NPTN: variants seen among roughly 807,000 people sequenced by gnomAD.
NPTN encodes the protein SDR-1.
Under a neutral mutation model 42.7 loss-of-function variants are expected in NPTN, and 5 were observed. The ratio of observed to expected loss-of-function variants is 0.12; its 90% CI spans 0.06 to 0.25. NPTN has a LOEUF of 0.25. Ranked by LOEUF, NPTN falls within the 10% of genes least tolerant of loss-of-function variation. The probability of loss-of-function intolerance (pLI) is 1.00; values close to 1 mark genes in which losing one functional copy is unlikely to be tolerated. For missense variants in NPTN, 307 were observed against 525.4 expected, an observed-to-expected ratio of 0.58 and a Z score of 4.06; for synonymous variants, 180 against 201.9, an observed-to-expected ratio of 0.89 and a Z score of 0.92.
Position 73,633,320 on chromosome 15 carries a change from C to T in NPTN, c.-105G>A, listed in dbSNP as rs1208823368. On this transcript the variant is annotated 5_prime_UTR_variant, in exon 1 of 9. Coordinates refer to ENST00000345330, the MANE Select transcript of NPTN (RefSeq NM_012428.4). ...GCGGGCGAGTGCGCGAGGGAGTGAG[C>T]GAGGGAGGCAGCCGCGGCTCGGCTC... 16 of 846,606 alleles carry T rather than the reference C, an allele frequency of 1.9e-5. No individual in the cohort carries two copies. The highest frequency in any genetic ancestry group is 2.4e-5 in the Non-Finnish European group (14 of 586,954). The allele number at this position is 846,606 out of a possible 1,614,324, so 52.4% of individuals were successfully genotyped here.
intron 6 of NPTN, chr15:73,563,649 T>C (rs1894817534): frequency 1.2e-6 from 1 of 818,434 alleles, no homozygotes; most frequent in Non-Finnish European, 1.5e-6. Context: ...TTTCTTGTGG[T>C]GAATGCATGC....
intron 1 of NPTN, among the ~76,000 whole-genome samples, chr15:73,602,743 G>C (rs1485983736): frequency 6.6e-6 from 1 of 152,208 alleles, no homozygotes; most frequent in Non-Finnish European, 1.5e-5. Context: ...ATTCTCTGCA[G>C]CAGGAAGAGG....
In NPTN at chr15:73,560,694, C is replaced by T. The variant is rs1246869477; in HGVS notation, c.*369G>A. The stretch of plus-strand genomic sequence containing the variant: ...TGCTGTACTTTACAAAAGTGTATCA[C>T]TAGATGGCAGCAGTGCATTTTAGAG... On this transcript the variant is annotated 3_prime_UTR_variant, in exon 9 of 9. Coordinates refer to ENST00000345330, the MANE Select transcript of NPTN (RefSeq NM_012428.4). The T allele has an allele frequency of 6.6e-6, 1 of 151,164 alleles. No individual in the cohort carries two copies. Among genetic ancestry groups the T allele is most frequent in the Non-Finnish European group, 1.5e-5 (1 of 67,886 alleles). 9.4% of individuals were successfully genotyped at this position (151,164 alleles called of 1,614,324 possible). A position where few individuals can be genotyped will look rare whatever the true frequency, so the allele number is the denominator to read the frequency against.
At chr15:73,580,511 TATATA>T (rs1353650196) in intron 4 of NPTN, among the ~76,000 whole-genome samples, 2 of 131,772 alleles carry the variant, frequency 1.5e-5, no homozygotes, top group Non-Finnish European at 1.5e-5. Flanking sequence ...ATATATATTA[TATATA>T]ATATAGTTAT....
chr15:73,561,662 A>G (rs1394012462), intron 8 of NPTN, among the ~76,000 whole-genome samples: 1 of 152,174 alleles, frequency 6.6e-6, no homozygotes, highest in Non-Finnish European at 1.5e-5. Flanking sequence ...CTTGGGCAAT[A>G]GAGTGAGACT....
intron 1 of NPTN, among the ~76,000 whole-genome samples, chr15:73,616,343 C>A (rs1241475340): frequency 6.6e-6 from 1 of 152,046 alleles, no homozygotes; most frequent in Non-Finnish European, 1.5e-5. Context: ...TATGGGACTC[C>A]CTCTACCCCT....
At chr15:73,566,675 A>T (rs62004587) in intron 6 of NPTN, among the ~76,000 whole-genome samples, 1 of 152,054 alleles carries the variant, frequency 6.6e-6, no homozygotes, top group Admixed American at 6.6e-5. Context: ...GCACCCAAGC[A>T]GGTGCCCAGC....
intron 6 of NPTN, among the ~76,000 whole-genome samples, chr15:73,565,618 C>G (rs1378215640): frequency 6.6e-6 from 1 of 152,110 alleles, no homozygotes; most frequent in African/African-American, 2.4e-5. Flanking sequence ...TATCAACATA[C>G]CCCAAACCCT....
intron 6 of NPTN, chr15:73,566,854 G>T (rs1320875573): frequency 5.5e-6 from 1 of 182,036 alleles, no homozygotes; most frequent in African/African-American, 2.4e-5. Flanking sequence ...AGGTAAAGGT[G>T]ATCTGTAGAT....
intron 1 of NPTN, among the ~76,000 whole-genome samples, chr15:73,619,529 C>T (rs1211773891): frequency 6.6e-6 from 1 of 152,168 alleles, no homozygotes; most frequent in Non-Finnish European, 1.5e-5. Flanking sequence ...TTACCTGCTG[C>T]AAGACGGCTT....
At chr15:73,587,353 G>A (rs1006582063) in intron 4 of NPTN, among the ~76,000 whole-genome samples, 171 bp downstream of exon 4, 1 of 152,154 alleles carries the variant, frequency 6.6e-6, no homozygotes, top group African/African-American at 2.4e-5. Context: ...TAGATGATGG[G>A]GTTTGAATTT....
Position 73,590,126 on chromosome 15 carries a change from T to C in NPTN, c.611+1840A>G, listed in dbSNP as rs182221455. On this transcript the variant is annotated intron_variant, in intron 3 of 8. Transcript: ENST00000345330. ...ATAGGCTGAAAATCTCCCCACACCA[T>C]TCCCTTGGACTAGCTATTAGGAAGA... is the stretch of plus-strand genomic sequence containing the variant. Among the ~76,000 whole-genome samples the C allele has an allele frequency of 3.0e-4, 45 of 152,068 alleles. 1 individual carries two copies. Among genetic ancestry groups the C allele is most frequent in the Middle Eastern group, 3.4e-3 (1 of 294 alleles).
chr15:73,629,847 A>G (rs1432451695), intron 1 of NPTN, among the ~76,000 whole-genome samples: 1 of 151,966 alleles, frequency 6.6e-6, no homozygotes, highest in African/African-American at 2.4e-5. Flanking sequence ...CAGAAAAAAA[A>G]GAAAAAAAAA....
intron 5 of NPTN, among the ~76,000 whole-genome samples, chr15:73,573,203 A>G (rs937768574): frequency 6.6e-6 from 1 of 152,178 alleles, no homozygotes; most frequent in African/African-American, 2.4e-5. Context: ...TCAATGCCTC[A>G]CCTTCAGTTA....
intron 2 of NPTN, among the ~76,000 whole-genome samples, chr15:73,595,206 G>A (rs911217475): frequency 1.3e-5 from 2 of 152,154 alleles, no homozygotes; most frequent in African/African-American, 4.8e-5. Flanking sequence ...TCAGGCTCTT[G>A]GAAGTATAAG....
intron 1 of NPTN, among the ~76,000 whole-genome samples, chr15:73,613,547 T>G (rs1225983810): frequency 6.6e-6 from 1 of 152,154 alleles, no homozygotes; most frequent in East Asian, 1.9e-4. Context: ...TTATCATATT[T>G]AGTAAAATCA....
chr15:73,579,520 T>C (rs1261632707), intron 4 of NPTN, among the ~76,000 whole-genome samples: 5 of 152,022 alleles, frequency 3.3e-5, no homozygotes, highest in African/African-American at 1.2e-4. Flanking sequence ...TCCAAGACTG[T>C]ACATTAGAAC....
chr15:73,631,165 A>T (rs1264554490), intron 1 of NPTN, among the ~76,000 whole-genome samples: 1 of 152,254 alleles, frequency 6.6e-6, no homozygotes, highest in Non-Finnish European at 1.5e-5. Flanking sequence ...AAAAAAGCTA[A>T]GCCAGCAGAG....
chr15:73,633,020 G>T, intron 1 of NPTN, 105 bp downstream of exon 1: 1 of 814,546 alleles, frequency 1.2e-6, no homozygotes, highest in Non-Finnish European at 1.7e-6. Flanking sequence ...ACGCCCACTC[G>T]GCCCCCTTCC....
Sources: gnomAD v4.1 joint callset for allele counts (sites outside exome capture counted in the v4.1 genomes callset) on GRCh38, gnomAD v4.1.1 for gene constraint, MANE v1.5 for transcripts, NCBI Gene and HGNC (gene_info 2026-07-23, HGNC 2026-07-21) for gene names.